PCDH15: variants seen among roughly 807,000 people sequenced by gnomAD.
PCDH15 encodes protocadherin-15.
In PCDH15, 129 loss-of-function variants were observed where a neutral mutation model predicts 178.5. The ratio of observed to expected loss-of-function variants is 0.72; its 90% CI spans 0.63 to 0.84. The LOEUF is 0.84. PCDH15 is among the 40% of genes least tolerant of loss of function. PCDH15 has a pLI of 0.00. For synonymous variants in PCDH15, 800 were observed against 732.0 expected (o/e 1.09, Z -1.50); for missense variants, 2,230 against 2,099.9 (o/e 1.06, Z -1.21).
intron 3 of PCDH15, among the ~76,000 whole-genome samples, chr10:54,392,982 A>G (rs776828839): frequency 5.3e-5 from 8 of 152,062 alleles, no homozygotes; most frequent in Non-Finnish European, 1.0e-4. Flanking sequence ...GAAGTACATC[A>G]TAACTTTTAA....
intron 3 of PCDH15, among the ~76,000 whole-genome samples, chr10:54,865,749 G>A (rs1953927434): frequency 6.6e-6 from 1 of 152,192 alleles, no homozygotes; most frequent in African/African-American, 2.4e-5. Context: ...GATAGCATAT[G>A]AGAGAACAAT....
intron 3 of PCDH15, among the ~76,000 whole-genome samples, chr10:54,501,534 G>T (rs2137440037): frequency 6.6e-6 from 1 of 152,278 alleles, no homozygotes; most frequent in African/African-American, 2.4e-5. Context: ...AGTCCAGTCT[G>T]ATGCCAGAAT....
At chr10:55,277,659 T>C (rs190341858) in intron 1 of PCDH15, among the ~76,000 whole-genome samples, 133 of 152,126 alleles carry the variant, frequency 8.7e-4, no homozygotes, top group African/African-American at 3.0e-3. Context: ...TTCCCCAAGA[T>C]GTACTGTAAT....
intron 2 of PCDH15, among the ~76,000 whole-genome samples, chr10:54,609,064 T>G (rs1056784817): frequency 5.9e-5 from 9 of 152,100 alleles, no homozygotes; most frequent in Non-Finnish European, 1.2e-4. Flanking sequence ...TTATTCAATG[T>G]GAAACAAAAC....
At chr10:54,045,525 C>T (rs571233030) in intron 18 of PCDH15, among the ~76,000 whole-genome samples, 1 of 152,178 alleles carries the variant, frequency 6.6e-6, no homozygotes, top group African/African-American at 2.4e-5. Context: ...AGACAGTGTG[C>T]TATTGCTGCA....
At chr10:55,625,009 T>C (rs1304063870) in intron 2 of PCDH15, among the ~76,000 whole-genome samples, 3 of 152,166 alleles carry the variant, frequency 2.0e-5, no homozygotes, top group Non-Finnish European at 4.4e-5. Flanking sequence ...AAGATAAATA[T>C]GTAAATATAT....
intron 26 of PCDH15, among the ~76,000 whole-genome samples, chr10:53,897,991 G>C (rs2082074560): frequency 1.1e-5 from 1 of 95,140 alleles, no homozygotes. Flanking sequence ...TTTTGAGACA[G>C]AGTCTCGCTC....
chr10:55,346,561 C>A (rs990757297), intron 2 of PCDH15, among the ~76,000 whole-genome samples: 22 of 152,140 alleles, frequency 1.4e-4, no homozygotes, highest in African/African-American at 5.3e-4. Flanking sequence ...AGCATGTTTT[C>A]AAACTGAAAA....
chr10:54,099,624 A>G (rs1404451348), intron 15 of PCDH15, among the ~76,000 whole-genome samples: 2 of 151,530 alleles, frequency 1.3e-5, no homozygotes, highest in African/African-American at 4.8e-5. Context: ...ACTTATAGAT[A>G]AAAATATGTA....
At chr10:54,263,180 T>C (rs1451096648) in intron 8 of PCDH15, among the ~76,000 whole-genome samples, 1 of 152,164 alleles carries the variant, frequency 6.6e-6, no homozygotes, top group Non-Finnish European at 1.5e-5. Flanking sequence ...GCTCTGACTT[T>C]GGTAAGCACA....
chr10:55,350,256 T>TAA (rs1168469544), intron 2 of PCDH15, among the ~76,000 whole-genome samples: 4 of 67,416 alleles, frequency 5.9e-5, no homozygotes, highest in African/African-American at 2.7e-4. Context: ...TATATATATA[T>TAA]ATATATATAT....
At chr10:55,441,138 C>T (rs989358612) in intron 2 of PCDH15, among the ~76,000 whole-genome samples, 4 of 152,178 alleles carry the variant, frequency 2.6e-5, no homozygotes, top group South Asian at 2.1e-4. Context: ...TCTGAAACTG[C>T]CTGTTCTTAC....
chr10:54,707,691 G>A (rs1002351314), intron 1 of PCDH15, among the ~76,000 whole-genome samples: 9 of 152,074 alleles, frequency 5.9e-5, no homozygotes, highest in African/African-American at 2.2e-4. Context: ...AGTATTCTGT[G>A]ATTCTCACTT....
intron 1 of PCDH15, among the ~76,000 whole-genome samples, chr10:55,256,235 G>T (rs1033765868): frequency 6.6e-6 from 1 of 152,146 alleles, no homozygotes; most frequent in Non-Finnish European, 1.5e-5. Flanking sequence ...GTTTTTGTCA[G>T]GTTTGTCAAA....
chr10:54,656,380 C>T (rs2839959), intron 2 of PCDH15, among the ~76,000 whole-genome samples: 1 of 152,136 alleles, frequency 6.6e-6, no homozygotes, highest in Non-Finnish European at 1.5e-5. Context: ...ACCCTGGCAA[C>T]AACCTGCTAA....
chr10:55,482,298 T>C (rs1430164816), intron 2 of PCDH15, among the ~76,000 whole-genome samples: 2 of 151,870 alleles, frequency 1.3e-5, no homozygotes, highest in Non-Finnish European at 2.9e-5. Context: ...CTCTGTGTCT[T>C]TTAACTGTGG....
In PCDH15 at chr10:55,316,705, G is replaced by A. The variant is rs74136609; in HGVS notation, c.-156+2894C>T. ...TTTTCTAAATTTTGTCACTCTTTTC[G>A]AACAGATAACTTCTAAGTATCAGTT... On this transcript the variant is annotated intron_variant, in intron 1 of 5. Coordinates refer to the PCDH15 transcript ENST00000458638. 3.9e-3 allele frequency among the ~76,000 whole-genome samples: 589 copies of A among 152,058 alleles called. 4 individuals carry two copies. Among genetic ancestry groups the A allele is most frequent in the African/African-American group, 0.013 (555 of 41,498 alleles).
At chr10:54,279,780 C>G (rs561431607) in intron 8 of PCDH15, among the ~76,000 whole-genome samples, 1 of 151,642 alleles carries the variant, frequency 6.6e-6, no homozygotes, top group Non-Finnish European at 1.5e-5. Flanking sequence ...ATAATTTTAA[C>G]CTTTTCATGC....
intron 2 of PCDH15, among the ~76,000 whole-genome samples, chr10:55,436,402 T>C (rs995709917): frequency 5.3e-5 from 8 of 152,140 alleles, no homozygotes; most frequent in Non-Finnish European, 8.8e-5. Context: ...GGAATTTCAA[T>C]GCTGTATTAT....
Sources: allele counts gnomAD v4.1 joint callset (sites outside exome capture counted in the v4.1 genomes callset), GRCh38; gene constraint gnomAD v4.1.1; transcripts MANE v1.5; gene names NCBI Gene and HGNC (gene_info 2026-07-23, HGNC 2026-07-21).